The following STRN variants were observed in gnomAD, a reference collection of about 807,000 sequenced individuals.
STRN encodes the protein protein phosphatase 2 regulatory subunit B'''alpha.
Under a neutral mutation model 96.3 loss-of-function variants are expected in STRN, and 53 were observed. The observed-to-expected ratio is 0.55, with a 90% CI of 0.44 to 0.69. The LOEUF is 0.69. Ranked by LOEUF, STRN falls within the 30% of genes least tolerant of loss-of-function variation. The pLI is 0.00. For missense variants in STRN, 987 were observed against 963.9 expected, an observed-to-expected ratio of 1.02 and a Z score of -0.32; for synonymous variants, 428 against 355.9, an observed-to-expected ratio of 1.20 and a Z score of -2.28.
chr2:36,954,829 G>C (rs1449275711), intron 1 of STRN, among the ~76,000 whole-genome samples: 1 of 151,904 alleles, frequency 6.6e-6, no homozygotes, highest in Non-Finnish European at 1.5e-5. Flanking sequence ...AGTAGAAACG[G>C]GGTTTCACCA....
At chr2:36,877,059 T>C (rs1668934055) in intron 10 of STRN, among the ~76,000 whole-genome samples, 2 of 152,142 alleles carry the variant, frequency 1.3e-5, no homozygotes, top group Non-Finnish European at 1.5e-5. Flanking sequence ...TATAAACACA[T>C]TTATAAAACA....
intron 9 of STRN, among the ~76,000 whole-genome samples, chr2:36,879,636 T>G (rs1223575087): frequency 6.6e-6 from 1 of 152,224 alleles, no homozygotes; most frequent in Non-Finnish European, 1.5e-5. Context: ...GAGATAGTCT[T>G]TGAGTAGTTT....
chr2:36,933,351 G>A (rs756624591), intron 1 of STRN, among the ~76,000 whole-genome samples: 2 of 152,072 alleles, frequency 1.3e-5, no homozygotes, highest in Non-Finnish European at 2.9e-5. Flanking sequence ...TGTATTGGAT[G>A]GGGGAGTTCC....
Position 36,893,934 on chromosome 2 carries a change from T to C in STRN, c.895A>G (p.Asn299Asp), listed in dbSNP as rs766488079. 6.2e-7 allele frequency: 1 copy of C among 1,613,344 alleles called. No homozygotes were observed. Among genetic ancestry groups the C allele is most frequent in the Non-Finnish European group, 8.5e-7 (1 of 1,179,770 alleles). ...CCATCGCCTGCACTTCTAGATTCAT[T>C]GTCTCCTTCCTCTGATGTAACCAAG... ...DFLVTSEEGDNESRSAGDGTD... is the reference protein window; with the variant it reads ...DFLVTSEEGDDESRSAGDGTD... The change falls in exon 7 of 18, where the codon AAT becomes GAT. Residue 299 changes from asparagine to aspartate, a missense_variant. By Grantham distance (23) the Asn-to-Asp change is conservative. Coordinates refer to ENST00000263918, the MANE Select transcript of STRN (RefSeq NM_003162.4).
chr2:36,875,482 G>C lies in STRN; in HGVS notation c.1323+2409C>G, dbSNP rs191977127. Among the ~76,000 whole-genome samples, 992 of 145,382 alleles carry C rather than the reference G, an allele frequency of 6.8e-3. 7 individuals carry two copies. Among genetic ancestry groups the C allele is most frequent in the Non-Finnish European group, 0.011 (749 of 66,684 alleles). On this transcript the variant is annotated intron_variant, in intron 10 of 17. Coordinates refer to ENST00000263918, the MANE Select transcript of STRN (RefSeq NM_003162.4). Reference sequence around the variant, plus strand: ...GATCACACTACTGCATTCCATCCTGGGCAGCAGAGTGAGACTCTGCCTCAA... The same window carrying C: ...GATCACACTACTGCATTCCATCCTGCGCAGCAGAGTGAGACTCTGCCTCAA...
chr2:36,927,085 C>A (rs1198191689), intron 1 of STRN, among the ~76,000 whole-genome samples: 1 of 152,152 alleles, frequency 6.6e-6, no homozygotes, highest in African/African-American at 2.4e-5. Context: ...CCCCTCGATA[C>A]TCCTTGGCTA....
Position 36,902,767 on chromosome 2 carries a change from C to G in STRN, c.492-16G>C. ...CTGTAGATACCTGTGTGAAGAGAAT[C>G]CTTAGAGTTCAGTCATACTGGAATC... On this transcript the variant is annotated splice_polypyrimidine_tract_variant and intron_variant, in intron 4 of 17. Coordinates refer to ENST00000263918, the MANE Select transcript of STRN (RefSeq NM_003162.4). The G allele has an allele frequency of 1.3e-6, 2 of 1,574,044 alleles. No individual in the cohort carries two copies. Among genetic ancestry groups the G allele is most frequent in the Non-Finnish European group, 1.7e-6 (2 of 1,158,110 alleles).
At chr2:36,925,355 A>C in intron 1 of STRN, 147 bp from the exon 2 acceptor site, 2 of 619,174 alleles carry the variant, frequency 3.2e-6, no homozygotes, top group Non-Finnish European at 5.8e-6. Context: ...AAATATAAAA[A>C]TGCACTGACT....
chr2:36,936,628 G>A (rs1427531429), intron 1 of STRN, among the ~76,000 whole-genome samples: 1 of 152,098 alleles, frequency 6.6e-6, no homozygotes, highest in Non-Finnish European at 1.5e-5. Flanking sequence ...CAATGATGAA[G>A]CCAACAGAAA....
Position 36,874,100 on chromosome 2 carries a change from CA to C in STRN, c.1323+3790del, listed in dbSNP as rs566418636. On this transcript the variant is annotated intron_variant, in intron 10 of 17. Coordinates refer to ENST00000263918, the MANE Select transcript of STRN (RefSeq NM_003162.4). ...GAAAACCCCATCTCTACTAAAAATACAAAAAAAAAAAAAATTAGCTGGGCGT... is the reference window on the plus strand; with the variant it reads ...GAAAACCCCATCTCTACTAAAAATACAAAAAAAAAAAAATTAGCTGGGCGT... Among the ~76,000 whole-genome samples the C allele has an allele frequency of 2.3e-3, 318 of 136,230 alleles. 1 individual carries two copies. Among genetic ancestry groups the C allele is most frequent in the South Asian group, 2.6e-3 (11 of 4,310 alleles). The allele number at this position is 136,230 out of a possible 152,430, so 89.4% of individuals were successfully genotyped here.
intron 6 of STRN, among the ~76,000 whole-genome samples, chr2:36,897,727 G>A (rs1324050614): frequency 4.0e-5 from 6 of 151,846 alleles, no homozygotes; most frequent in Non-Finnish European, 8.8e-5. Context: ...GTGAGCCACC[G>A]TACCCAGCCA....
chr2:36,922,502 G>C (rs1670287035), intron 2 of STRN, among the ~76,000 whole-genome samples: 1 of 128,822 alleles, frequency 7.8e-6, no homozygotes, highest in South Asian at 2.4e-4. Flanking sequence ...CTAGGCAACA[G>C]AGCAAGACCC....
At chr2:36,942,258 A>T (rs1212174923) in intron 1 of STRN, among the ~76,000 whole-genome samples, 1 of 152,164 alleles carries the variant, frequency 6.6e-6, no homozygotes, top group African/African-American at 2.4e-5. Context: ...GACAATGGCA[A>T]TCAAGGATGG....
In STRN at chr2:36,861,223, G is replaced by C. The variant is rs753993931; in HGVS notation, c.1578C>G (p.Ser526Arg). 1 of 1,613,878 alleles carries C rather than the reference G, an allele frequency of 6.2e-7. No homozygotes were observed. The highest frequency in any genetic ancestry group is 8.5e-7 in the Non-Finnish European group (1 of 1,179,932). ...KGPVLCVVMS[S>R]NGEQCYSGGT... is the part of the protein sequence containing the mutation. The stretch of plus-strand genomic sequence containing the variant: ...CACCACTGTAACACTGCTCACCATT[G>C]CTGCTCATTACCACACAAAGCACTG... The change falls in exon 13 of 18, where the codon AGC becomes AGG. Residue 526 changes from serine to arginine, a missense_variant. Coordinates refer to ENST00000263918, the MANE Select transcript of STRN (RefSeq NM_003162.4).
chr2:36,933,326 G>C (rs1016516593), intron 1 of STRN, among the ~76,000 whole-genome samples: 1 of 152,124 alleles, frequency 6.6e-6, no homozygotes, highest in Non-Finnish European at 1.5e-5. Context: ...TGGAACTTGA[G>C]CATCCACAGT....
intron 3 of STRN, among the ~76,000 whole-genome samples, chr2:36,913,436 A>G (rs1670012818): frequency 2.0e-5 from 3 of 152,158 alleles, no homozygotes; most frequent in Admixed American, 2.0e-4. Flanking sequence ...CATTCAACAA[A>G]TAGTCAGTTT....
At chr2:36,871,996 G>A (rs1258338858) in intron 10 of STRN, among the ~76,000 whole-genome samples, 1 of 152,226 alleles carries the variant, frequency 6.6e-6, no homozygotes, top group Non-Finnish European at 1.5e-5. Context: ...GAAAAGCTGA[G>A]TTGAATCATG....
chr2:36,857,575 G>T (rs891029175), intron 14 of STRN, among the ~76,000 whole-genome samples: 4 of 152,000 alleles, frequency 2.6e-5, no homozygotes, highest in African/African-American at 4.8e-5. Context: ...CAGGAGAATT[G>T]CTTGAAACTG....
intron 1 of STRN, among the ~76,000 whole-genome samples, chr2:36,947,346 G>T (rs1047590069): frequency 6.6e-6 from 1 of 151,746 alleles, no homozygotes; most frequent in African/African-American, 2.4e-5. Context: ...AAATCGAAAT[G>T]TCAAAATTTT....
Sources: allele counts gnomAD v4.1 joint callset (sites outside exome capture counted in the v4.1 genomes callset), GRCh38; gene constraint gnomAD v4.1.1; transcripts MANE v1.5; gene names NCBI Gene and HGNC (gene_info 2026-07-23, HGNC 2026-07-21).